Variants in HPSE2 observed in about 807,000 individuals in gnomAD.
HPSE2 encodes heparanase 2 (inactive), also known as inactive heparanase-2.
Under a neutral mutation model 60.5 loss-of-function variants are expected in HPSE2, and 38 were observed. The ratio of observed to expected loss-of-function variants is 0.63; its 90% CI spans 0.48 to 0.82. HPSE2 has a LOEUF of 0.82. Ranked by LOEUF, HPSE2 falls within the 40% of genes least tolerant of loss-of-function variation. The probability of loss-of-function intolerance (pLI) is 0.00; values close to 1 mark genes in which losing one functional copy is unlikely to be tolerated. For synonymous variants in HPSE2, 295 were observed against 293.2 expected, an observed-to-expected ratio of 1.01 and a Z score of -0.06; for missense variants, 713 against 740.4, an observed-to-expected ratio of 0.96 and a Z score of 0.43.
At chr10:98,605,100 C>A (rs1017988089) in intron 9 of HPSE2, among the ~76,000 whole-genome samples, 7 of 152,196 alleles carry the variant, frequency 4.6e-5, no homozygotes, top group African/African-American at 1.7e-4. Flanking sequence ...CAAGTCTTCC[C>A]TTTAGCTCCT....
intron 9 of HPSE2, among the ~76,000 whole-genome samples, chr10:98,606,652 A>G (rs1945595263): frequency 6.6e-6 from 1 of 152,254 alleles, no homozygotes; most frequent in Non-Finnish European, 1.5e-5. Context: ...TGAAATAAGC[A>G]GAGATTGATA....
chr10:99,261,217 C>T, the HPSE2 span, among the ~76,000 whole-genome samples: 401 of 152,220 alleles, frequency 2.6e-3, 2 homozygotes, highest in African/African-American at 9.3e-3. Context: ...GTGAATCCTC[C>T]TTTTCTACAG....
intron 3 of HPSE2, among the ~76,000 whole-genome samples, chr10:98,824,285 CTT>C (rs1385578439): frequency 2.6e-5 from 4 of 152,130 alleles, no homozygotes; most frequent in Non-Finnish European, 4.4e-5. Context: ...GAAGGACCAT[CTT>C]AGTGCTGGTA....
intron 9 of HPSE2, among the ~76,000 whole-genome samples, chr10:98,538,222 T>TTTGTCTTG (rs1943349610): frequency 6.6e-6 from 1 of 152,208 alleles, no homozygotes; most frequent in Admixed American, 6.5e-5. Context: ...TCTTTATCTC[T>TTTGTCTTG]TTGTCTTGTG....
At chr10:99,235,361 C>T in intron 1 of HPSE2, 152 bp downstream of exon 1, 1 of 728,834 alleles carries the variant, frequency 1.4e-6, no homozygotes, top group Non-Finnish European at 2.3e-6. Flanking sequence ...AGCCTCACAG[C>T]ACACAATCCA....
intron 3 of HPSE2, among the ~76,000 whole-genome samples, chr10:99,040,685 T>C (rs377275448): frequency 6.6e-6 from 1 of 152,010 alleles, no homozygotes; most frequent in South Asian, 2.1e-4. Context: ...CTCTATAGTA[T>C]AGTAACATCT....
chr10:98,520,454 C>T (rs1056911702), intron 9 of HPSE2, among the ~76,000 whole-genome samples: 6 of 152,240 alleles, frequency 3.9e-5, no homozygotes, highest in South Asian at 2.1e-4. Context: ...TCACATTTCA[C>T]GTTTTTAAGC....
chr10:98,505,413 C>T (rs766087003), intron 9 of HPSE2, among the ~76,000 whole-genome samples: 3 of 152,142 alleles, frequency 2.0e-5, no homozygotes, highest in Non-Finnish European at 2.9e-5. Flanking sequence ...ATTGCTGTGT[C>T]ATATACAGGT....
At chr10:98,597,007 G>A (rs987967647) in intron 9 of HPSE2, among the ~76,000 whole-genome samples, 11 of 152,040 alleles carry the variant, frequency 7.2e-5, no homozygotes, top group East Asian at 5.8e-4. Flanking sequence ...AAACAAACAC[G>A]TCCTTCTTTA....
chr10:98,680,380 A>C (rs2134134695), intron 6 of HPSE2, among the ~76,000 whole-genome samples: 1 of 152,332 alleles, frequency 6.6e-6, no homozygotes, highest in East Asian at 1.9e-4. Context: ...AATAAATACA[A>C]GTGATGATGA....
intron 5 of HPSE2, among the ~76,000 whole-genome samples, chr10:98,715,953 T>G (rs1948779416): frequency 6.6e-6 from 1 of 152,054 alleles, no homozygotes; most frequent in African/African-American, 2.4e-5. Context: ...TCAATGCTGT[T>G]TGATGGCATT....
intron 3 of HPSE2, among the ~76,000 whole-genome samples, chr10:98,894,379 A>C (rs930222828): frequency 6.6e-6 from 1 of 152,206 alleles, no homozygotes; most frequent in Non-Finnish European, 1.5e-5. Flanking sequence ...AATAAGGGAT[A>C]CTTTAAACAC....
intron 3 of HPSE2, among the ~76,000 whole-genome samples, chr10:98,917,128 C>A (rs1954141701): frequency 6.6e-6 from 1 of 152,006 alleles, no homozygotes; most frequent in African/African-American, 2.4e-5. Context: ...CAGATCCATC[C>A]AAGACTATTT....
chr10:99,197,423 T>C (rs1443868957), intron 2 of HPSE2, among the ~76,000 whole-genome samples: 1 of 152,204 alleles, frequency 6.6e-6, no homozygotes, highest in African/African-American at 2.4e-5. Flanking sequence ...TACCCCATTC[T>C]CCATTATGTG....
At chr10:98,779,892 G>A (rs577719816) in intron 3 of HPSE2, among the ~76,000 whole-genome samples, 2 of 152,246 alleles carry the variant, frequency 1.3e-5, no homozygotes, top group Admixed American at 1.3e-4. Flanking sequence ...TTTTTACTAA[G>A]AGGCTGACAT....
intron 3 of HPSE2, among the ~76,000 whole-genome samples, chr10:98,747,895 A>T (rs1201403703): frequency 6.6e-6 from 1 of 152,154 alleles, no homozygotes; most frequent in Non-Finnish European, 1.5e-5. Flanking sequence ...ACACACAGCA[A>T]TTTTCTGCCT....
chr10:98,795,671 G>A lies in HPSE2; in HGVS notation c.611-51615C>T, dbSNP rs563782494. On this transcript the variant is annotated intron_variant, in intron 3 of 11. Transcript: ENST00000370552. ...CAGAGCCAGTAGACTCAGGTGACAT[G>A]TTACCTAGGAAGATACCAGCCAGGG... Among the ~76,000 whole-genome samples the A allele has an allele frequency of 1.1e-4, 16 of 152,324 alleles. No individual in the cohort carries two copies. The East Asian group carries it at 2.1e-3, about 20-fold the overall frequency.
At chr10:98,573,872 C>G (rs897729828) in intron 9 of HPSE2, among the ~76,000 whole-genome samples, 1 of 152,084 alleles carries the variant, frequency 6.6e-6, no homozygotes, top group Non-Finnish European at 1.5e-5. Context: ...ATTTCTTTTT[C>G]TTATACAGCT....
intron 3 of HPSE2, among the ~76,000 whole-genome samples, chr10:98,926,529 G>A (rs1016055057): frequency 2.6e-5 from 4 of 152,124 alleles, no homozygotes; most frequent in Admixed American, 2.0e-4. Context: ...TTGGGTAGTA[G>A]AAAAAGTTTG....
Sources: gnomAD v4.1 joint callset for allele counts (sites outside exome capture counted in the v4.1 genomes callset) on GRCh38, gnomAD v4.1.1 for gene constraint, MANE v1.5 for transcripts, NCBI Gene and HGNC (gene_info 2026-07-23, HGNC 2026-07-21) for gene names.